Variants in SLC24A2 observed in about 807,000 individuals in gnomAD.
SLC24A2 encodes the protein solute carrier family 24 member 2, also known as sodium/potassium/calcium exchanger 2.
Under a neutral mutation model 62.0 loss-of-function variants are expected in SLC24A2, and 36 were observed. That is an observed-to-expected ratio of 0.58 (90% CI 0.44 to 0.77). SLC24A2 has a LOEUF of 0.77. Among genes scored for constraint, SLC24A2 ranks in the 30% least tolerant of loss-of-function variants. SLC24A2 has a pLI of 0.00. For missense variants in SLC24A2, 846 were observed against 817.9 expected (o/e 1.03, Z -0.42); for synonymous variants, 358 against 294.0 (o/e 1.22, Z -2.23).
At chr9:20,166,556 AT>A in the SLC24A2 span, among the ~76,000 whole-genome samples, 24 of 152,156 alleles carry the variant, frequency 1.6e-4, no homozygotes, top group South Asian at 2.3e-3. Flanking sequence ...GTACAGGAGT[AT>A]ATATGGTATG....
the SLC24A2 span, chr9:19,926,145 G>C: frequency 2.6e-5 from 4 of 152,224 alleles, no homozygotes; most frequent in Non-Finnish European, 5.9e-5. Flanking sequence ...TTAGTAGTCT[G>C]TGCTGCAGTC....
chr9:20,220,102 T>C, the SLC24A2 span, among the ~76,000 whole-genome samples: 2 of 152,156 alleles, frequency 1.3e-5, no homozygotes, highest in African/African-American at 4.8e-5. Context: ...TACATGCTGA[T>C]TCCTATAGTT....
intron 2 of SLC24A2, among the ~76,000 whole-genome samples, chr9:19,720,880 TG>T (rs917832135): frequency 8.2e-5 from 12 of 145,582 alleles, no homozygotes; most frequent in African/African-American, 3.1e-4. Flanking sequence ...TGTGTGTGTG[TG>T]TTGTATCTCT....
chr9:20,085,583 G>C, the SLC24A2 span, among the ~76,000 whole-genome samples: 1 of 152,128 alleles, frequency 6.6e-6, no homozygotes, highest in East Asian at 1.9e-4. Context: ...AGCATGAAGA[G>C]TACAAAATGG....
the SLC24A2 span, among the ~76,000 whole-genome samples, chr9:19,884,366 T>C: frequency 0.42 from 63,083 of 151,924 alleles, 13,677 homozygotes; most frequent in East Asian, 0.84. Flanking sequence ...CAGCGTCTCA[T>C]TCTGTGTACA....
the SLC24A2 span, among the ~76,000 whole-genome samples, chr9:19,821,908 T>C: frequency 1.3e-5 from 2 of 152,090 alleles, no homozygotes; most frequent in Non-Finnish European, 2.9e-5. Flanking sequence ...TTTGAAGTTT[T>C]GAAAATATAC....
rs35884916 is a variant in SLC24A2, at chr9:19,634,281, C to CTTTT, written c.931-11986_931-11983dup. Among the ~76,000 whole-genome samples, 235 of 79,248 alleles carry CTTTT rather than the reference C, an allele frequency of 3.0e-3. 3 individuals carry two copies. The highest frequency in any genetic ancestry group is 3.8e-3 in the East Asian group (9 of 2,374). The allele number at this position is 79,248 out of a possible 152,430, so 52.0% of individuals were successfully genotyped here. A position where few individuals can be genotyped will look rare whatever the true frequency, so the allele number is the denominator to read the frequency against. Reference sequence around the variant, plus strand: ...GCAATCTAACTTGAAACTGCAGCCTCTTTTTTTTTTTTTTTTTTTTTTTTG... The same window carrying CTTTT: ...GCAATCTAACTTGAAACTGCAGCCTCTTTTTTTTTTTTTTTTTTTTTTTTTTTTG... On this transcript the variant is annotated intron_variant, in intron 2 of 10. Transcript: ENST00000341998.
chr9:19,694,775 T>C lies in SLC24A2; in HGVS notation c.931-72476A>G, dbSNP rs114213380. Among the ~76,000 whole-genome samples, 249 of 152,230 alleles carry C rather than the reference T, an allele frequency of 1.6e-3. 1 individual carries two copies. The highest frequency in any genetic ancestry group is 5.9e-3 in the African/African-American group (247 of 41,562). ...CATTCAGGCAAGTGAGACTACCCTA[T>C]GGAGACAGGAGGCTGAGCATCTGCA... On this transcript the variant is annotated intron_variant, in intron 2 of 10. Transcript: ENST00000341998.
chr9:20,250,477 A>G, the SLC24A2 span, among the ~76,000 whole-genome samples: 1 of 152,236 alleles, frequency 6.6e-6, no homozygotes, highest in East Asian at 1.9e-4. Context: ...CCACTTGATC[A>G]TATCTGGCAA....
At chr9:19,624,159 C>T (rs1817976144) in intron 2 of SLC24A2, among the ~76,000 whole-genome samples, 1 of 152,096 alleles carries the variant, frequency 6.6e-6, no homozygotes, top group South Asian at 2.1e-4. Flanking sequence ...CAGGGCAATC[C>T]CCTAGGGAAA....
the SLC24A2 span, among the ~76,000 whole-genome samples, chr9:20,196,306 T>C: frequency 6.6e-6 from 1 of 152,206 alleles, no homozygotes; most frequent in Non-Finnish European, 1.5e-5. Context: ...TTATTAATAG[T>C]AATGAAGTGA....
chr9:19,693,100 ATTTT>A (rs1250911831), intron 2 of SLC24A2, among the ~76,000 whole-genome samples: 1 of 151,998 alleles, frequency 6.6e-6, no homozygotes, highest in Non-Finnish European at 1.5e-5. Context: ...TTACTTATTT[ATTTT>A]TATTATTATT....
the SLC24A2 span, among the ~76,000 whole-genome samples, chr9:19,897,098 G>T: frequency 1.3e-5 from 2 of 152,100 alleles, no homozygotes; most frequent in African/African-American, 4.8e-5. Flanking sequence ...GAAGAAATTG[G>T]GGTCCAAAGA....
chr9:19,523,769 C>T (rs536532787), intron 9 of SLC24A2, among the ~76,000 whole-genome samples: 2 of 152,138 alleles, frequency 1.3e-5, no homozygotes, highest in Admixed American at 1.3e-4. Context: ...AGCCAAAAAA[C>T]CAGATTTTAT....
the SLC24A2 span, among the ~76,000 whole-genome samples, chr9:19,963,456 C>T: frequency 0.3 from 42,568 of 143,158 alleles, 5,087 homozygotes; most frequent in Non-Finnish European, 0.43. Flanking sequence ...AGAAAATTTT[C>T]GCAACCTACT....
chr9:19,767,624 G>T (rs945778923), intron 2 of SLC24A2, among the ~76,000 whole-genome samples: 1 of 152,090 alleles, frequency 6.6e-6, no homozygotes, highest in Non-Finnish European at 1.5e-5. Context: ...ACCCTCTGTG[G>T]GCTGCATGCA....
intron 8 of SLC24A2, among the ~76,000 whole-genome samples, chr9:19,533,602 A>G (rs1262527791): frequency 6.6e-6 from 1 of 152,188 alleles, no homozygotes; most frequent in Non-Finnish European, 1.5e-5. Flanking sequence ...TTGAGATAAG[A>G]GAGTATGTGG....
chr9:20,170,283 AG>A, the SLC24A2 span, among the ~76,000 whole-genome samples: 34,183 of 151,880 alleles, frequency 0.23, 4,657 homozygotes, highest in African/African-American at 0.39. Flanking sequence ...CTCAGGCAAA[AG>A]TTGTCTCAGC....
chr9:19,834,519 T>C, the SLC24A2 span, among the ~76,000 whole-genome samples: 1 of 151,966 alleles, frequency 6.6e-6, no homozygotes, highest in Non-Finnish European at 1.5e-5. Flanking sequence ...AAGAGAAGTT[T>C]AGAGAAAAAA....
Sources: allele counts gnomAD v4.1 joint callset (sites outside exome capture counted in the v4.1 genomes callset), GRCh38; gene constraint gnomAD v4.1.1; transcripts MANE v1.5; gene names NCBI Gene and HGNC (gene_info 2026-07-23, HGNC 2026-07-21).